The following SLC18B1 variants were observed in gnomAD, a reference collection of about 807,000 sequenced individuals.
SLC18B1 encodes MFS-type transporter SLC18B1.
Under a neutral mutation model 53.9 loss-of-function variants are expected in SLC18B1, and 62 were observed. The ratio of observed to expected loss-of-function variants is 1.15; its 90% CI spans 0.94 to 1.42. The LOEUF is 1.42. SLC18B1 is among the 40% of genes most tolerant of loss of function. The probability of loss-of-function intolerance (pLI) is 0.00; values close to 1 mark genes in which losing one functional copy is unlikely to be tolerated. For synonymous variants in SLC18B1, 217 were observed against 200.9 expected (o/e 1.08, Z -0.68); for missense variants, 598 against 547.3 (o/e 1.09, Z -0.93).
At chr6:132,783,767 T>G (rs1781297757) in intron 6 of SLC18B1, among the ~76,000 whole-genome samples, 166 bp downstream of exon 6, 1 of 152,208 alleles carries the variant, frequency 6.6e-6, no homozygotes, top group Non-Finnish European at 1.5e-5. Flanking sequence ...AATTTGTAAT[T>G]TACAGAAATT....
chr6:132,796,178 C>T (rs56282082), intron 2 of SLC18B1, among the ~76,000 whole-genome samples: 1 of 147,148 alleles, frequency 6.8e-6, no homozygotes, highest in Non-Finnish European at 1.5e-5. Context: ...GAAACCCCGT[C>T]TCTACTAAAA....
rs188047201 is a variant in SLC18B1 at position 132,770,259 on chromosome 6, G to C, written c.*11C>G. Reference sequence around the variant, plus strand: ...ATTTCTCAACCTTGTATCAATCCAGGATCCATCGGACTAGGTTTCATTAGG... The same window carrying C: ...ATTTCTCAACCTTGTATCAATCCAGCATCCATCGGACTAGGTTTCATTAGG... On this transcript the variant is annotated 3_prime_UTR_variant, in exon 14 of 14. Coordinates refer to ENST00000275227, the MANE Select transcript of SLC18B1 (RefSeq NM_052831.3). 2.4e-5 allele frequency: 39 copies of C among 1,607,256 alleles called. No homozygotes were observed. The Admixed American group carries it at 6.3e-4, about 26-fold the overall frequency.
intron 6 of SLC18B1, among the ~76,000 whole-genome samples, chr6:132,781,038 G>A (rs544698837): frequency 6.6e-6 from 1 of 152,076 alleles, no homozygotes; most frequent in Non-Finnish European, 1.5e-5. Context: ...TTTTTGAATT[G>A]TATATACTAA....
At chr6:132,773,840 T>A (rs1582854051) in intron 9 of SLC18B1, among the ~76,000 whole-genome samples, 2 of 148,860 alleles carry the variant, frequency 1.3e-5, no homozygotes, top group South Asian at 4.2e-4. Context: ...GAAAGAAAAA[T>A]AGATTTGGTC....
chr6:132,791,931 T>C (rs1781532293), intron 2 of SLC18B1, among the ~76,000 whole-genome samples: 1 of 151,884 alleles, frequency 6.6e-6, no homozygotes, highest in South Asian at 2.1e-4. Flanking sequence ...AATTAACGCA[T>C]AAGAAAAATA....
intron 2 of SLC18B1, among the ~76,000 whole-genome samples, chr6:132,791,830 G>C (rs961778046): frequency 7.9e-5 from 12 of 152,140 alleles, no homozygotes; most frequent in Non-Finnish European, 1.6e-4. Flanking sequence ...TGTGACAAAT[G>C]GTTATGCTGT....
chr6:132,796,943 C>CA (rs753272549), intron 2 of SLC18B1, 39 bp downstream of exon 2: 64 of 1,554,290 alleles, frequency 4.1e-5, no homozygotes, highest in African/African-American at 3.3e-4. Context: ...AACAAACAAA[C>CA]AAAAAAACAG....
chr6:132,778,639 T>C (rs138725669), intron 7 of SLC18B1, among the ~76,000 whole-genome samples: 1 of 152,306 alleles, frequency 6.6e-6, no homozygotes, highest in Admixed American at 6.5e-5. Flanking sequence ...TTGCCTTTTA[T>C]CAACACATAT....
chr6:132,777,252 A>T (rs150077517), intron 7 of SLC18B1, among the ~76,000 whole-genome samples: 1 of 152,228 alleles, frequency 6.6e-6, no homozygotes, highest in East Asian at 1.9e-4. Context: ...AAAGCAAAAA[A>T]AGTTCTGATA....
intron 2 of SLC18B1, 53 bp from the exon 3 acceptor site, chr6:132,790,325 G>T (rs1562270315): frequency 2.4e-6 from 3 of 1,262,598 alleles, no homozygotes; most frequent in African/African-American, 3.1e-5. Flanking sequence ...AGATCAATAT[G>T]AAAAAATGGA....
intron 7 of SLC18B1, among the ~76,000 whole-genome samples, chr6:132,779,013 C>T (rs563368882): frequency 6.6e-5 from 10 of 152,316 alleles, no homozygotes; most frequent in African/African-American, 2.4e-4. Flanking sequence ...GCTAAACCTA[C>T]AATGACACGA....
At chr6:132,783,532 G>A (rs1467200572) in intron 6 of SLC18B1, among the ~76,000 whole-genome samples, 1 of 152,180 alleles carries the variant, frequency 6.6e-6, no homozygotes, top group Non-Finnish European at 1.5e-5. Flanking sequence ...CTACGTCCTT[G>A]TATCTGAGCT....
rs563881854 is a variant in SLC18B1, at chr6:132,798,171, A to G, written c.43+243T>C. The stretch of plus-strand genomic sequence containing the variant: ...ATACTTATTTGAATGCATTAAACAC[A>G]CAGTACTTAAAAAGCAGAGGTATAG... On this transcript the variant is annotated intron_variant, in intron 1 of 13. Coordinates refer to ENST00000275227, the MANE Select transcript of SLC18B1 (RefSeq NM_052831.3). Among the ~76,000 whole-genome samples, 349 of 152,336 alleles carry G rather than the reference A, an allele frequency of 2.3e-3. 1 individual carries two copies. Among genetic ancestry groups the G allele is most frequent in the African/African-American group, 7.6e-3 (314 of 41,576 alleles).
intron 2 of SLC18B1, 78 bp from the exon 3 acceptor site, chr6:132,790,350 G>A: frequency 2.0e-6 from 2 of 980,470 alleles, no homozygotes; most frequent in Non-Finnish European, 2.9e-6. Flanking sequence ...ATAGATCAGG[G>A]CATCATCTTC....
chr6:132,790,194 A>G lies in SLC18B1; in HGVS notation c.262T>C (p.Leu88=). The G allele has an allele frequency of 6.4e-7, 1 of 1,571,158 alleles. No individual in the cohort carries two copies. The highest frequency in any genetic ancestry group is 8.6e-7 in the Non-Finnish European group (1 of 1,156,532). The change falls in exon 3 of 14, where the codon TTG becomes CTG. Residue 88 remains leucine, a synonymous_variant. Coordinates refer to ENST00000275227, the MANE Select transcript of SLC18B1 (RefSeq NM_052831.3). ...ATACTTACATAGTTTCCAAATACCA[A>G]GGATGCCAGCAACTCGAACAAAGCA... The part of the protein sequence containing the change: ...CFALFELLAS[L]VFGNYLVHIG...
At chr6:132,778,530 A>G (rs190353554) in intron 7 of SLC18B1, among the ~76,000 whole-genome samples, 2 of 152,338 alleles carry the variant, frequency 1.3e-5, no homozygotes, top group East Asian at 3.9e-4. Flanking sequence ...GACCATATTA[A>G]GCAACTTTGT....
chr6:132,790,860 G>A (rs72996126), intron 2 of SLC18B1, among the ~76,000 whole-genome samples: 2,569 of 152,164 alleles, frequency 0.017, 33 homozygotes, highest in Non-Finnish European at 0.026. Context: ...GACATTCTAC[G>A]TTCTCCTGAA....
chr6:132,787,415 A>G lies in SLC18B1; in HGVS notation c.501+19T>C. 6.5e-7 allele frequency: 1 copy of G among 1,536,992 alleles called. No individual in the cohort carries two copies. The highest frequency in any genetic ancestry group is 8.7e-7 in the Non-Finnish European group (1 of 1,146,292). On this transcript the variant is annotated intron_variant, in intron 5 of 13. Coordinates refer to ENST00000275227, the MANE Select transcript of SLC18B1 (RefSeq NM_052831.3). ...GCCTACACTCAAAGGAAAGTGGGAA[A>G]TACTTCTAAAATACATACCAATACC... is the stretch of plus-strand genomic sequence containing the variant.
At chr6:132,794,370 C>T (rs1340807167) in intron 2 of SLC18B1, among the ~76,000 whole-genome samples, 2 of 152,026 alleles carry the variant, frequency 1.3e-5, no homozygotes, top group African/African-American at 2.4e-5. Context: ...TCCCAAAGTG[C>T]TGGGATTACA....
Sources: allele counts gnomAD v4.1 joint callset (sites outside exome capture counted in the v4.1 genomes callset), GRCh38; gene constraint gnomAD v4.1.1; transcripts MANE v1.5; gene names NCBI Gene and HGNC (gene_info 2026-07-23, HGNC 2026-07-21).